The following PCDHGA7 variants were observed in gnomAD, a reference collection of about 807,000 sequenced individuals.
The protein encoded by PCDHGA7 is protocadherin gamma-A7.
Under a neutral mutation model 58.3 loss-of-function variants are expected in PCDHGA7, and 44 were observed. That is an observed-to-expected ratio of 0.75 (90% CI 0.59 to 0.97). The LOEUF is 0.97. Ranked by LOEUF, PCDHGA7 falls within the 50% of genes least tolerant of loss-of-function variation. PCDHGA7 has a pLI of 0.00. For missense variants in PCDHGA7, 1,266 were observed against 1,188.7 expected, an observed-to-expected ratio of 1.06 and a Z score of -0.96; for synonymous variants, 516 against 504.2, an observed-to-expected ratio of 1.02 and a Z score of -0.31.
At position 141,385,284 on chromosome 5, in the gene PCDHGA7, A is replaced by C. The variant is rs1419920858; in HGVS notation, c.2385A>C (p.Val795=). 3.1e-6 allele frequency: 5 copies of C among 1,613,356 alleles called. No homozygotes were observed. Among genetic ancestry groups the C allele is most frequent in the Non-Finnish European group, 3.4e-6 (4 of 1,179,416 alleles). Reference sequence around the variant, plus strand: ...AAAATGATTCTTTGCTAACATCCGTAGATTTTCAGGAATGTAAAGAAAACC... The same window carrying C: ...AAAATGATTCTTTGCTAACATCCGTCGATTTTCAGGAATGTAAAGAAAACC... The part of the protein sequence containing the change: ...CEKNDSLLTS[V]DFQECKENLP... Residue 795 remains valine, a synonymous_variant, in exon 1 of 4, where the codon GTA becomes GTC. Coordinates refer to ENST00000518325, the MANE Select transcript of PCDHGA7 (RefSeq NM_018920.4).
rs759576434 is a variant in PCDHGA7 at position 141,432,109 on chromosome 5, G to C, written c.2424+46786G>C. Reference sequence around the variant, plus strand: ...TGGCAGACACCAACGACAACCCGCCGGTCTTCCCTCAGGCCTCCTATTCCG... The same window carrying C: ...TGGCAGACACCAACGACAACCCGCCCGTCTTCCCTCAGGCCTCCTATTCCG... On this transcript the variant is annotated intron_variant, in intron 1 of 3. Transcript: ENST00000518325. The surrounding 1 kb of genome is among the most constrained non-coding windows in gnomAD (Gnocchi z 6.0). 9 of 1,613,972 alleles carry C rather than the reference G, an allele frequency of 5.6e-6. No homozygotes were observed. In the African/African-American group the frequency reaches 9.3e-5, roughly 17 times the overall value.
intron 2 of PCDHGA7, among the ~76,000 whole-genome samples, chr5:141,500,176 A>G (rs922155744): frequency 1.4e-5 from 2 of 145,916 alleles, no homozygotes; most frequent in Admixed American, 1.4e-4. Flanking sequence ...CATGAGCTTC[A>G]TTTTTATTTT....
At position 141,410,277 on chromosome 5, in the gene PCDHGA7, T is replaced by C. The variant is rs1461250700; in HGVS notation, c.2424+24954T>C. 2.5e-6 allele frequency: 4 copies of C among 1,614,014 alleles called. No homozygotes were observed. In the Admixed American group the frequency reaches 6.7e-5, roughly 27 times the overall value. ...CCCCAGGCTGAACTGCAGTTTTACC[T>C]GGTGGTGGCCTTGGCCTTAATCTCA... On this transcript the variant is annotated intron_variant, in intron 1 of 3. Transcript: ENST00000518325.
In PCDHGA7 at chr5:141,409,757, G is replaced by T. The variant is rs376391018; in HGVS notation, c.2424+24434G>T. On this transcript the variant is annotated intron_variant, in intron 1 of 3. Coordinates refer to ENST00000518325, the MANE Select transcript of PCDHGA7 (RefSeq NM_018920.4). ...GAGCGGGGTGGTGTTCGCGCAGCGC[G>T]CCTTTGATCACGAGCAGCTGCGCGC... is the stretch of plus-strand genomic sequence containing the variant. 5 of 1,612,868 alleles carry T rather than the reference G, an allele frequency of 3.1e-6. No homozygotes were observed. In the East Asian group the frequency reaches 6.7e-5, roughly 22 times the overall value.
chr5:141,459,613 C>A (rs1040874685), intron 1 of PCDHGA7, among the ~76,000 whole-genome samples: 1 of 152,188 alleles, frequency 6.6e-6, no homozygotes, highest in African/African-American at 2.4e-5. Context: ...ATATGCTTAA[C>A]TTTATAAGAA....
In PCDHGA7 at chr5:141,431,159, C is replaced by A. The variant is rs1017606383; in HGVS notation, c.2424+45836C>A. On this transcript the variant is annotated intron_variant, in intron 1 of 3. Coordinates refer to ENST00000518325, the MANE Select transcript of PCDHGA7 (RefSeq NM_018920.4). The surrounding 1 kb of genome is among the most constrained non-coding windows in gnomAD (Gnocchi z 4.8). The stretch of plus-strand genomic sequence containing the variant: ...CATTAACGACAATGCGCCTTACTTT[C>A]GTGAAAGTGAATTAGAAATAAAAAT... The A allele has an allele frequency of 6.2e-7, 1 of 1,614,158 alleles. No homozygotes were observed. The highest frequency in any genetic ancestry group is 1.3e-5 in the African/African-American group (1 of 75,046).
chr5:141,461,639 C>T (rs1041604977), intron 1 of PCDHGA7, among the ~76,000 whole-genome samples: 12 of 152,088 alleles, frequency 7.9e-5, no homozygotes, highest in Non-Finnish European at 1.6e-4. Flanking sequence ...GCAATTTCTT[C>T]TTTGACCCAT....
chr5:141,491,072 C>T lies in PCDHGA7; in HGVS notation c.2425-3735C>T, dbSNP rs778221466. The T allele has an allele frequency of 6.2e-7, 1 of 1,614,204 alleles. No individual in the cohort carries two copies. Among genetic ancestry groups the T allele is most frequent in the South Asian group, 1.1e-5 (1 of 91,086 alleles). On this transcript the variant is annotated intron_variant, in intron 1 of 3. Coordinates refer to ENST00000518325, the MANE Select transcript of PCDHGA7 (RefSeq NM_018920.4). The surrounding 1 kb of genome is among the most constrained non-coding windows in gnomAD (Gnocchi z 6.9). ...GCGTGGCTCTCCTACTCACTGTTGCCACAGTCCACAGCCCCAGGACTGTTC... is the reference window on the plus strand; with the variant it reads ...GCGTGGCTCTCCTACTCACTGTTGCTACAGTCCACAGCCCCAGGACTGTTC...
At chr5:141,415,055 C>G in intron 1 of PCDHGA7, 2 of 1,613,402 alleles carry the variant, frequency 1.2e-6, no homozygotes, top group East Asian at 2.2e-5. Flanking sequence ...GGGGAGCACA[C>G]GGGCGAGGTG....
chr5:141,393,861 A>G (rs1324870023), intron 1 of PCDHGA7: 11 of 1,613,904 alleles, frequency 6.8e-6, no homozygotes, highest in Non-Finnish European at 9.3e-6. Context: ...AGTGATCATT[A>G]CGTCTTTGTT....
chr5:141,489,159 T>G lies in PCDHGA7; in HGVS notation c.2425-5648T>G. On this transcript the variant is annotated intron_variant, in intron 1 of 3. Transcript: ENST00000518325. This position sits in a 1 kb window ranked among gnomAD's most constrained non-coding sequence, Gnocchi z 4.5. ...AGGCTGGAAGGAGACATAAGAGACT[T>G]CAGCTGCTGCATTCCAAGCCCTGGG... is the stretch of plus-strand genomic sequence containing the variant. 2 of 1,023,152 alleles carry G rather than the reference T, an allele frequency of 2.0e-6. No individual in the cohort carries two copies. Among genetic ancestry groups the G allele is most frequent in the Non-Finnish European group, 2.9e-6 (2 of 697,120 alleles). The allele number at this position is 1,023,152 out of a possible 1,614,324, so 63.4% of individuals were successfully genotyped here. A position where few individuals can be genotyped will look rare whatever the true frequency, so the allele number is the denominator to read the frequency against.
intron 2 of PCDHGA7, among the ~76,000 whole-genome samples, chr5:141,499,182 C>T (rs980293990): frequency 5.3e-5 from 8 of 152,114 alleles, no homozygotes; most frequent in African/African-American, 1.7e-4. Flanking sequence ...GCCCAGCAAA[C>T]CATTTCCCCC....
At position 141,487,148 on chromosome 5, in the gene PCDHGA7, G is replaced by A; in HGVS notation, c.2425-7659G>A. ...TGGTAGTCCACCACTCTCTACCTCT[G>A]TTACTCTCTTAGTGTCCTTAGAGGA... On this transcript the variant is annotated intron_variant, in intron 1 of 3. Transcript: ENST00000518325. This position sits in a 1 kb window ranked among gnomAD's most constrained non-coding sequence, Gnocchi z 5.0. The A allele has an allele frequency of 6.2e-7, 1 of 1,614,042 alleles. No homozygotes were observed. The highest frequency in any genetic ancestry group is 8.5e-7 in the Non-Finnish European group (1 of 1,179,922).
intron 1 of PCDHGA7, among the ~76,000 whole-genome samples, chr5:141,437,339 T>A (rs1008090968): frequency 3.3e-5 from 5 of 152,262 alleles, no homozygotes; most frequent in Non-Finnish European, 7.3e-5. Context: ...GTAGCTTCAC[T>A]GTTTTATAGT....
intron 3 of PCDHGA7, among the ~76,000 whole-genome samples, chr5:141,508,439 T>C (rs1037512760): frequency 1.3e-5 from 2 of 152,188 alleles, no homozygotes; most frequent in African/African-American, 4.8e-5. Flanking sequence ...ACACAGTTCC[T>C]TAGTGGCAGA....
rs751047365 is a variant in PCDHGA7 at position 141,419,570 on chromosome 5, G to C, written c.2424+34247G>C. On this transcript the variant is annotated intron_variant, in intron 1 of 3. Transcript: ENST00000518325. ...GCTGTACCCTGCGCTGGGTCCCGAC[G>C]GCTCCGCGCTCTTCGACACAGTGCC... 5.6e-6 allele frequency: 9 copies of C among 1,611,766 alleles called. No individual in the cohort carries two copies. The South Asian group carries it at 8.8e-5, about 16-fold the overall frequency.
chr5:141,410,164 C>G (rs756470415), intron 1 of PCDHGA7: 8 of 1,613,642 alleles, frequency 5.0e-6, no homozygotes, highest in South Asian at 2.2e-5. Context: ...AGCCGCCACT[C>G]TCTGCCACCG....
Position 141,487,397 on chromosome 5 carries a change from G to A in PCDHGA7, c.2425-7410G>A. 1 of 1,614,062 alleles carries A rather than the reference G, an allele frequency of 6.2e-7. No homozygotes were observed. Among genetic ancestry groups the A allele is most frequent in the Middle Eastern group, 1.6e-4 (1 of 6,062 alleles). Reference sequence around the variant, plus strand: ...TCTCACCAGATCTCGAAGGAGGGAGGGGCTTCCCCCTTCCAATGGGATCCT... The same window carrying A: ...TCTCACCAGATCTCGAAGGAGGGAGAGGCTTCCCCCTTCCAATGGGATCCT... On this transcript the variant is annotated intron_variant, in intron 1 of 3. Coordinates refer to ENST00000518325, the MANE Select transcript of PCDHGA7 (RefSeq NM_018920.4). This position sits in a 1 kb window ranked among gnomAD's most constrained non-coding sequence, Gnocchi z 5.0.
At chr5:141,441,862 G>A (rs2098280399) in intron 1 of PCDHGA7, 3 of 342,456 alleles carry the variant, frequency 8.8e-6, no homozygotes, top group Non-Finnish European at 1.1e-5. Context: ...GCTGCACGCC[G>A]CGGAGCCTGG....
Sources: gnomAD v4.1 joint callset for allele counts (sites outside exome capture counted in the v4.1 genomes callset) on GRCh38, gnomAD v4.1.1 for gene constraint, Gnocchi (gnomAD v3.1) non-coding constraint, MANE v1.5 for transcripts, NCBI Gene and HGNC (gene_info 2026-07-23, HGNC 2026-07-21) for gene names.